Variants in ELOC observed in about 807,000 individuals in gnomAD.
The protein encoded by ELOC is elongin C, also known as elongin-C.
For missense variants in ELOC, 38 were observed against 139.0 expected, an observed-to-expected ratio of 0.27 and a Z score of 3.65; for synonymous variants, 40 against 51.3, an observed-to-expected ratio of 0.78 and a Z score of 0.94.
chr8:73,953,799 TAA>T (rs1395103792), intron 3 of ELOC, among the ~76,000 whole-genome samples: 37 of 152,110 alleles, frequency 2.4e-4, no homozygotes, highest in African/African-American at 8.4e-4. Context: ...CTCCAAAAGT[TAA>T]AGAGAATTGT....
chr8:73,959,553 T>C (rs1814448864), intron 2 of ELOC, among the ~76,000 whole-genome samples: 1 of 152,336 alleles, frequency 6.6e-6, no homozygotes, highest in South Asian at 2.1e-4. Flanking sequence ...AGCTCTATTA[T>C]AATCTTTATG....
At chr8:73,969,291 C>T (rs552709339) in intron 1 of ELOC, among the ~76,000 whole-genome samples, 37 of 152,226 alleles carry the variant, frequency 2.4e-4, no homozygotes, top group Middle Eastern at 3.4e-3. Context: ...AAAAGTGATT[C>T]GTTATTCAAA....
intron 2 of ELOC, among the ~76,000 whole-genome samples, chr8:73,958,333 C>A (rs141438346): frequency 3.9e-4 from 60 of 152,140 alleles, no homozygotes; most frequent in African/African-American, 1.3e-3. Flanking sequence ...GTTATGTCAT[C>A]ATCTTATGTT....
chr8:73,951,025 C>T (rs1813720751), intron 3 of ELOC, among the ~76,000 whole-genome samples: 1 of 152,162 alleles, frequency 6.6e-6, no homozygotes, highest in Non-Finnish European at 1.5e-5. Flanking sequence ...AATCCCAACA[C>T]TTTGGGAGGC....
At chr8:73,953,935 C>T (rs977395410) in intron 3 of ELOC, among the ~76,000 whole-genome samples, 1 of 152,118 alleles carries the variant, frequency 6.6e-6, no homozygotes, top group Non-Finnish European at 1.5e-5. Context: ...TGTCAACAAC[C>T]CAAATATTTA....
chr8:73,967,986 A>C (rs1171567864), intron 1 of ELOC, among the ~76,000 whole-genome samples: 1 of 152,136 alleles, frequency 6.6e-6, no homozygotes, highest in East Asian at 1.9e-4. Flanking sequence ...CAAACCCTTC[A>C]ATCTGTAAGC....
intron 3 of ELOC, among the ~76,000 whole-genome samples, chr8:73,951,650 A>G (rs1383862619): frequency 1.1e-5 from 1 of 87,810 alleles, no homozygotes; most frequent in Non-Finnish European, 2.2e-5. Context: ...AAAACCCCAC[A>G]ACAACAACAA....
At chr8:73,957,209 G>A (rs541549943) in intron 2 of ELOC, among the ~76,000 whole-genome samples, 4 of 151,546 alleles carry the variant, frequency 2.6e-5, no homozygotes, top group Admixed American at 2.6e-4. Flanking sequence ...AACAATACTC[G>A]GTTTAAATGC....
chr8:73,956,590 CACT>C (rs1439551203), intron 2 of ELOC, among the ~76,000 whole-genome samples: 3 of 152,100 alleles, frequency 2.0e-5, no homozygotes, highest in African/African-American at 7.2e-5. Context: ...AGTGAAAATT[CACT>C]AGTTTTTTCA....
intron 3 of ELOC, among the ~76,000 whole-genome samples, chr8:73,953,895 T>G (rs1813954774): frequency 6.6e-6 from 1 of 152,174 alleles, no homozygotes; most frequent in Non-Finnish European, 1.5e-5. Flanking sequence ...TACACAAGTG[T>G]TCACAGAACT....
chr8:73,963,921 C>G (rs186243608), intron 1 of ELOC, among the ~76,000 whole-genome samples: 1 of 151,710 alleles, frequency 6.6e-6, no homozygotes, highest in Non-Finnish European at 1.5e-5. Flanking sequence ...GGTGAAACCC[C>G]GTCTCCACGA....
intron 1 of ELOC, among the ~76,000 whole-genome samples, chr8:73,960,861 C>A (rs546545137): frequency 6.6e-6 from 1 of 152,206 alleles, no homozygotes; most frequent in East Asian, 1.9e-4. Flanking sequence ...CCTGTAATCC[C>A]AGCACTTTGG....
At position 73,946,241 on chromosome 8, in the gene ELOC, A is replaced by AT. The variant is rs1181036139; in HGVS notation, c.*388dup. On this transcript the variant is annotated 3_prime_UTR_variant, in exon 4 of 4. Transcript: ENST00000520242. The stretch of plus-strand genomic sequence containing the variant: ...AACTCTAGTAATGCTAATGGCGGCT[A>AT]TAAGATTAGGTTTCTAAAAAACCAC... 1 of 158,800 alleles carries AT rather than the reference A, an allele frequency of 6.3e-6. No homozygotes were observed. The highest frequency in any genetic ancestry group is 1.4e-5 in the Non-Finnish European group (1 of 72,362). The allele number at this position is 158,800 out of a possible 1,614,324, so 9.8% of individuals were successfully genotyped here.
intron 2 of ELOC, among the ~76,000 whole-genome samples, chr8:73,958,312 T>G (rs1814348221): frequency 6.6e-6 from 1 of 152,102 alleles, no homozygotes; most frequent in Non-Finnish European, 1.5e-5. Flanking sequence ...TTGTAATAAA[T>G]ATTCATCTAT....
chr8:73,947,149 C>T (rs1188743142), intron 3 of ELOC, among the ~76,000 whole-genome samples: 2 of 151,992 alleles, frequency 1.3e-5, no homozygotes, highest in Non-Finnish European at 2.9e-5. Flanking sequence ...GCACCACGAC[C>T]GGCTAATTTT....
chr8:73,969,306 A>T lies in ELOC; in HGVS notation c.-51+2771T>A, dbSNP rs144989700. Among the ~76,000 whole-genome samples the T allele has an allele frequency of 5.0e-4, 76 of 151,694 alleles. 1 individual carries two copies. Among genetic ancestry groups the T allele is most frequent in the African/African-American group, 1.7e-3 (72 of 41,354 alleles). The stretch of plus-strand genomic sequence containing the variant: ...AAAAGTGATTCGTTATTCAAAAAAC[A>T]TTTTTTTTTGTTCGTTTTGTTCCTG... On this transcript the variant is annotated intron_variant, in intron 1 of 3. Transcript: ENST00000520242.
intron 1 of ELOC, among the ~76,000 whole-genome samples, chr8:73,965,819 T>C (rs1563686442): frequency 1.3e-5 from 2 of 152,182 alleles, no homozygotes; most frequent in African/African-American, 2.4e-5. Context: ...GTAATAAAAT[T>C]AACCCAAATT....
chr8:73,967,359 T>G (rs1462923028), intron 1 of ELOC, among the ~76,000 whole-genome samples: 1 of 152,066 alleles, frequency 6.6e-6, no homozygotes, highest in Non-Finnish European at 1.5e-5. Flanking sequence ...ACTCTGCCAC[T>G]GGAGTGCAAA....
intron 1 of ELOC, chr8:73,970,765 A>C (rs1411108625): frequency 2.6e-5 from 4 of 152,046 alleles, no homozygotes; most frequent in African/African-American, 9.7e-5. Context: ...TCACGCCTGT[A>C]ATCGTAGCTC....
Sources: gnomAD v4.1 joint callset for allele counts (sites outside exome capture counted in the v4.1 genomes callset) on GRCh38, gnomAD v4.1.1 for gene constraint, MANE v1.5 for transcripts, NCBI Gene and HGNC (gene_info 2026-07-23, HGNC 2026-07-21) for gene names.